MARCHF1: variants seen among roughly 807,000 people sequenced by gnomAD.
The protein encoded by MARCHF1 is E3 ubiquitin-protein ligase MARCHF1.
Under a neutral mutation model 54.2 loss-of-function variants are expected in MARCHF1, and 40 were observed. The ratio of observed to expected loss-of-function variants is 0.74; its 90% CI spans 0.57 to 0.96. MARCHF1 has a LOEUF of 0.96. Among genes scored for constraint, MARCHF1 ranks in the 40% least tolerant of loss-of-function variants. The probability of loss-of-function intolerance (pLI) is 0.00; values close to 1 mark genes in which losing one functional copy is unlikely to be tolerated. For missense variants in MARCHF1, 586 were observed against 656.5 expected (o/e 0.89, Z 1.17); for synonymous variants, 236 against 236.3 (o/e 1.00, Z 0.01).
chr4:163,812,128 C>T (rs910344192), intron 4 of MARCHF1, among the ~76,000 whole-genome samples: 12 of 152,162 alleles, frequency 7.9e-5, no homozygotes, highest in South Asian at 4.2e-4. Context: ...TGGGGATCTA[C>T]ACCATCAATA....
intron 1 of MARCHF1, among the ~76,000 whole-genome samples, chr4:164,379,985 A>C (rs1435477716): frequency 2.0e-5 from 3 of 152,036 alleles, no homozygotes; most frequent in African/African-American, 7.2e-5. Context: ...GTTGAAAAAA[A>C]AAAAACTGCC....
At chr4:163,834,297 C>T (rs889259297) in intron 4 of MARCHF1, among the ~76,000 whole-genome samples, 2 of 151,620 alleles carry the variant, frequency 1.3e-5, no homozygotes, top group South Asian at 4.2e-4. Flanking sequence ...AAAAACATTA[C>T]TAACTGAGAA....
chr4:164,080,420 C>T (rs960216896), intron 2 of MARCHF1, among the ~76,000 whole-genome samples: 9 of 152,054 alleles, frequency 5.9e-5, no homozygotes, highest in Non-Finnish European at 1.2e-4. Context: ...CAAATATTCA[C>T]GTATCCAGTT....
intron 1 of MARCHF1, among the ~76,000 whole-genome samples, chr4:164,145,624 C>G (rs181355935): frequency 6.6e-6 from 1 of 152,142 alleles, no homozygotes; most frequent in Non-Finnish European, 1.5e-5. Flanking sequence ...ATTCAACAAC[C>G]TTCATGCCAA....
chr4:164,341,838 T>C (rs1451493630), intron 1 of MARCHF1, among the ~76,000 whole-genome samples: 1 of 152,192 alleles, frequency 6.6e-6, no homozygotes, highest in Non-Finnish European at 1.5e-5. Context: ...TGTTTGCAAA[T>C]GACATAATCT....
At chr4:163,986,466 G>T (rs1193256176) in intron 3 of MARCHF1, among the ~76,000 whole-genome samples, 11 of 151,138 alleles carry the variant, frequency 7.3e-5, no homozygotes, top group Admixed American at 5.9e-4. Context: ...GGGTTTCACC[G>T]AGTTAGACCA....
intron 5 of MARCHF1, among the ~76,000 whole-genome samples, chr4:163,670,962 CCTAGCAAATG>C (rs1343121180): frequency 6.6e-6 from 1 of 152,136 alleles, no homozygotes; most frequent in Non-Finnish European, 1.5e-5. Flanking sequence ...GCTAGGCTGA[CCTAGCAAATG>C]GTAATGGAAA....
intron 3 of MARCHF1, among the ~76,000 whole-genome samples, chr4:163,912,322 G>C (rs78831560): frequency 3.1e-4 from 47 of 152,212 alleles, no homozygotes; most frequent in African/African-American, 1.1e-3. Flanking sequence ...TGGCAGACAA[G>C]GAGCTGCCTT....
rs925167663 is a variant in MARCHF1 at position 164,057,973 on chromosome 4, G to T, written c.-248+53615C>A. On this transcript the variant is annotated intron_variant, in intron 2 of 9. Coordinates refer to ENST00000514618, the MANE Select transcript of MARCHF1 (RefSeq NM_001394959.1). Reference sequence around the variant, plus strand: ...GAGCATGAGTTAATGTCCTTTATGGGGACATGGATGAAGCTGGAAATCATT... The same window carrying T: ...GAGCATGAGTTAATGTCCTTTATGGTGACATGGATGAAGCTGGAAATCATT... 1.8e-4 allele frequency among the ~76,000 whole-genome samples: 27 copies of T among 152,142 alleles called. 2 individuals are homozygous for T. The highest frequency in any genetic ancestry group is 1.8e-3 in the Admixed American group (27 of 15,254).
chr4:164,154,980 A>T (rs947451032), intron 1 of MARCHF1, among the ~76,000 whole-genome samples: 4 of 152,190 alleles, frequency 2.6e-5, no homozygotes, highest in Non-Finnish European at 5.9e-5. Flanking sequence ...GAGTTTGGCC[A>T]TCCAGCAGCT....
chr4:163,819,248 T>C (rs770672963), intron 4 of MARCHF1, among the ~76,000 whole-genome samples: 8 of 152,152 alleles, frequency 5.3e-5, no homozygotes, highest in Non-Finnish European at 1.0e-4. Context: ...TGCATAAGCC[T>C]TTCACTTACT....
chr4:164,107,695 AAGTG>A (rs1212894493), intron 2 of MARCHF1, among the ~76,000 whole-genome samples: 2 of 152,156 alleles, frequency 1.3e-5, no homozygotes, highest in Non-Finnish European at 2.9e-5. Context: ...CTCAACATTT[AAGTG>A]AGTAAGTGTT....
At chr4:164,176,980 C>CTCTATATATA (rs1466683245) in intron 1 of MARCHF1, among the ~76,000 whole-genome samples, 24 of 58,904 alleles carry the variant, frequency 4.1e-4, no homozygotes, top group African/African-American at 1.5e-3. Flanking sequence ...CTCTCTCTCT[C>CTCTATATATA]TATATATATA....
intron 5 of MARCHF1, among the ~76,000 whole-genome samples, chr4:163,700,244 C>T (rs1267822401): frequency 6.6e-6 from 1 of 152,104 alleles, no homozygotes; most frequent in East Asian, 1.9e-4. Flanking sequence ...TGGTGGCTCA[C>T]TCCTGTAATC....
At chr4:164,234,104 T>A (rs566219770) in intron 1 of MARCHF1, among the ~76,000 whole-genome samples, 17 of 152,242 alleles carry the variant, frequency 1.1e-4, no homozygotes, top group African/African-American at 3.8e-4. Context: ...TAAGATGAAA[T>A]AGAGAACCTC....
chr4:164,334,910 A>G (rs1729691199), intron 1 of MARCHF1, among the ~76,000 whole-genome samples: 1 of 152,188 alleles, frequency 6.6e-6, no homozygotes, highest in Non-Finnish European at 1.5e-5. Context: ...TGAGATCAAG[A>G]CCTCAGAGGA....
chr4:163,811,752 A>G (rs1748394685), intron 4 of MARCHF1, among the ~76,000 whole-genome samples: 1 of 152,202 alleles, frequency 6.6e-6, no homozygotes, highest in Non-Finnish European at 1.5e-5. Context: ...TTTAATGCTT[A>G]CAGTTTACTA....
intron 1 of MARCHF1, among the ~76,000 whole-genome samples, chr4:164,237,428 C>T (rs1268180184): frequency 6.6e-6 from 1 of 152,184 alleles, no homozygotes; most frequent in East Asian, 1.9e-4. Flanking sequence ...TCTGCTAACA[C>T]AATCCTTTCT....
chr4:163,840,068 G>C (rs1221462489), intron 4 of MARCHF1, among the ~76,000 whole-genome samples: 1 of 151,998 alleles, frequency 6.6e-6, no homozygotes. Flanking sequence ...TGAACAATAG[G>C]ACCCACTTTA....
Sources: gnomAD v4.1 joint callset for allele counts (sites outside exome capture counted in the v4.1 genomes callset) on GRCh38, gnomAD v4.1.1 for gene constraint, MANE v1.5 for transcripts, NCBI Gene and HGNC (gene_info 2026-07-23, HGNC 2026-07-21) for gene names.